HM13: variants seen among roughly 807,000 people sequenced by gnomAD.
HM13 encodes the protein signal peptide peptidase.
A neutral mutation model predicts 50.0 loss-of-function variants in HM13; 18 were observed. The observed-to-expected ratio is 0.36, with a 90% CI of 0.25 to 0.53. The LOEUF is 0.53. Among genes scored for constraint, HM13 ranks in the 20% least tolerant of loss-of-function variants. The pLI, the probability that HM13 is intolerant of heterozygous loss-of-function variation, is 0.90. For synonymous variants in HM13, 197 were observed against 232.6 expected, an observed-to-expected ratio of 0.85 and a Z score of 1.39; for missense variants, 393 against 552.4, an observed-to-expected ratio of 0.71 and a Z score of 2.89.
At chr20:31,519,458 A>T (rs1982014469) in intron 1 of HM13, among the ~76,000 whole-genome samples, 1 of 152,182 alleles carries the variant, frequency 6.6e-6, no homozygotes, top group Non-Finnish European at 1.5e-5. Flanking sequence ...AGATCCAATC[A>T]TGTCAGTACA....
chr20:31,564,256 C>T (rs1410802523), intron 10 of HM13, among the ~76,000 whole-genome samples: 1 of 152,014 alleles, frequency 6.6e-6, no homozygotes, highest in Non-Finnish European at 1.5e-5. Flanking sequence ...TCACTGAACT[C>T]ACCACCTATG....
rs1423696171 is a variant in HM13 at position 31,569,337 on chromosome 20, G to A, written c.*118G>A. The A allele has an allele frequency of 6.3e-6, 4 of 630,684 alleles. No homozygotes were observed. The highest frequency in any genetic ancestry group is 8.4e-6 in the Non-Finnish European group (3 of 358,390). 39.1% of individuals were successfully genotyped at this position (630,684 alleles called of 1,614,324 possible). The stretch of plus-strand genomic sequence containing the variant: ...GGGCAGCTCCAGGACAGGGCAGGGG[G>A]CAGCAGGATACCTCCAGCCAGGCCT... On this transcript the variant is annotated 3_prime_UTR_variant, in exon 13 of 13. Coordinates refer to ENST00000398174, the MANE Select transcript of HM13 (RefSeq NM_178581.3).
intron 10 of HM13, chr20:31,565,917 A>C: frequency 3.5e-6 from 1 of 284,330 alleles, no homozygotes; most frequent in Non-Finnish European, 6.6e-6. Flanking sequence ...CAAACCAGGA[A>C]GTTGCTTTTT....
In HM13 at chr20:31,568,107, A is replaced by T; in HGVS notation, c.1064A>T (p.His355Leu). The stretch of plus-strand genomic sequence containing the variant: ...GAGTCCTCGGCGGAAATCCTGCCTC[A>T]TACCCCGAGGCTCACCCACTTCCCC... ...SYESSAEILP[H>L]TPRLTHFPTV... Residue 355 changes from histidine (H) to leucine (L), a missense_variant, in exon 12 of 13, where the codon CAT becomes CTT. This residue lies in a region of HM13 where 105 missense variants were observed against 115.9 expected (regional missense o/e 0.91). Coordinates refer to ENST00000398174, the MANE Select transcript of HM13 (RefSeq NM_178581.3). 6.2e-7 allele frequency: 1 copy of T among 1,612,390 alleles called. No individual in the cohort carries two copies. Among genetic ancestry groups the T allele is most frequent in the Non-Finnish European group, 8.5e-7 (1 of 1,179,458 alleles).
chr20:31,562,946 T>C (rs1984698943), intron 10 of HM13, among the ~76,000 whole-genome samples: 1 of 152,176 alleles, frequency 6.6e-6, no homozygotes, highest in African/African-American at 2.4e-5. Flanking sequence ...TGGAGGTCTC[T>C]GCAGCTCCCG....
At chr20:31,528,679 G>A (rs1000433079) in intron 2 of HM13, among the ~76,000 whole-genome samples, 1 of 152,174 alleles carries the variant, frequency 6.6e-6, no homozygotes, top group African/African-American at 2.4e-5. Context: ...GGGTTTCACT[G>A]TGTTGGTCAG....
In HM13 at chr20:31,514,694, T is replaced by C. The variant is rs1241087615; in HGVS notation, c.143T>C (p.Phe48Ser). 1 of 1,551,926 alleles carries C rather than the reference T, an allele frequency of 6.4e-7. No homozygotes were observed. The highest frequency in any genetic ancestry group is 1.2e-5 in the South Asian group (1 of 84,296). ...CTGCTCATGGCGCTGCTGCCCATCT[T>C]CTTCGGCGCCCTGCGCTCCGTACGC... ...SLLLMALLPI[F>S]FGALRSVRCA... Residue 48 changes from phenylalanine to serine, a missense_variant, in exon 1 of 13, where the codon TTC becomes TCC. By Grantham distance (155) the Phe-to-Ser change is radical (BLOSUM62 -2). This residue lies in a region of HM13 where 214 missense variants were observed against 276.1 expected (regional missense o/e 0.77). Transcript: ENST00000398174. The surrounding 1 kb of genome is among the most constrained non-coding windows in gnomAD (Gnocchi z 4.3).
At chr20:31,531,051 T>G (rs187662564) in intron 2 of HM13, among the ~76,000 whole-genome samples, 85 of 152,296 alleles carry the variant, frequency 5.6e-4, no homozygotes, top group Admixed American at 5.1e-3. Flanking sequence ...AAAAAGATTT[T>G]TTTTCTTTTT....
intron 3 of HM13, chr20:31,540,548 C>T (rs1333956254): frequency 6.6e-6 from 1 of 152,204 alleles, no homozygotes; most frequent in Non-Finnish European, 1.5e-5. Context: ...ATAGCAACAA[C>T]CCTACAATGA....
intron 2 of HM13, among the ~76,000 whole-genome samples, chr20:31,533,262 G>A (rs777990773): frequency 2.0e-5 from 3 of 152,214 alleles, no homozygotes; most frequent in Non-Finnish European, 2.9e-5. Flanking sequence ...CAACGCTTTG[G>A]GAGGCCGAGG....
intron 2 of HM13, among the ~76,000 whole-genome samples, chr20:31,531,978 C>G (rs551556537): frequency 1.3e-5 from 2 of 152,138 alleles, no homozygotes; most frequent in South Asian, 4.1e-4. Flanking sequence ...AAAAACATCC[C>G]TATAAGCAGA....
chr20:31,568,333 T>C (rs749805073), intron 12 of HM13, 109 bp downstream of exon 12: 110 of 1,412,612 alleles, frequency 7.8e-5, no homozygotes, highest in Non-Finnish European at 9.8e-5. Context: ...TTGCCAGGAG[T>C]AGGCCGCAAG....
At chr20:31,543,445 C>T (rs879345120) in intron 3 of HM13, among the ~76,000 whole-genome samples, 7 of 152,016 alleles carry the variant, frequency 4.6e-5, no homozygotes, top group East Asian at 2.0e-4. Context: ...GCCACCACGC[C>T]GGGCTAATTT....
In HM13 at chr20:31,561,672, T is replaced by C; in HGVS notation, c.884T>C (p.Phe295Ser). The C allele has an allele frequency of 6.2e-7, 1 of 1,614,044 alleles. No individual in the cohort carries two copies. Among genetic ancestry groups the C allele is most frequent in the Non-Finnish European group, 8.5e-7 (1 of 1,179,868 alleles). Residue 295 changes from phenylalanine (F) to serine (S), a missense_variant, in exon 10 of 13, where the codon TTT (phenylalanine) becomes TCT (serine). Around this residue, in one of 3 missense-constraint regions of HM13, gnomAD observed 74 missense variants for 160.4 expected, o/e 0.46. Coordinates refer to ENST00000398174, the MANE Select transcript of HM13 (RefSeq NM_178581.3). ...KNTHTYFYTS[F>S]AAYIFGLGLT... ...ACCCACACCTACTTCTACACCAGCTTTGCAGCCTACATCTTCGGCCTGGGC... is the reference window on the plus strand; with the variant it reads ...ACCCACACCTACTTCTACACCAGCTCTGCAGCCTACATCTTCGGCCTGGGC...
intron 12 of HM13, 73 bp from the exon 13 acceptor site, chr20:31,569,047 A>AG: frequency 9.5e-7 from 1 of 1,047,740 alleles, no homozygotes; most frequent in Non-Finnish European, 1.4e-6. Context: ...GGGTGGGGGA[A>AG]GGGGACAACC....
chr20:31,545,897 A>T (rs1461153078), intron 4 of HM13, among the ~76,000 whole-genome samples: 1 of 152,028 alleles, frequency 6.6e-6, no homozygotes, highest in Non-Finnish European at 1.5e-5. Context: ...GAGTTTTGCC[A>T]TGCTAGCCAG....
chr20:31,542,040 T>A (rs1983476684), intron 3 of HM13, among the ~76,000 whole-genome samples: 2 of 152,198 alleles, frequency 1.3e-5, no homozygotes, highest in Non-Finnish European at 2.9e-5. Flanking sequence ...GAGCCTGTGG[T>A]CTCCCAAGGA....
chr20:31,550,842 AAC>A (rs1393715051), intron 7 of HM13, among the ~76,000 whole-genome samples: 5 of 152,166 alleles, frequency 3.3e-5, no homozygotes. Context: ...TAGGAGTGGT[AAC>A]ACACATCTGT....
rs116321545 is a variant in HM13 at position 31,567,473 on chromosome 20, C to G, written c.1035-605C>G. 4.8e-3 allele frequency among the ~76,000 whole-genome samples: 737 copies of G among 152,268 alleles called. 7 individuals are homozygous for G. The highest frequency in any genetic ancestry group is 0.017 in the African/African-American group (699 of 41,566). Reference sequence around the variant, plus strand: ...CCACTGTTTGCCCTCCACTCCCACCCTGGACATTCTTAGATTGGGGTAAAA... The same window carrying G: ...CCACTGTTTGCCCTCCACTCCCACCGTGGACATTCTTAGATTGGGGTAAAA... On this transcript the variant is annotated intron_variant, in intron 11 of 12. Coordinates refer to ENST00000398174, the MANE Select transcript of HM13 (RefSeq NM_178581.3).
Sources: gnomAD v4.1 joint callset for allele counts (sites outside exome capture counted in the v4.1 genomes callset) on GRCh38, gnomAD v4.1.1 for gene constraint, gnomAD v4.1.1 regional missense constraint, Gnocchi (gnomAD v3.1) non-coding constraint, MANE v1.5 for transcripts, NCBI Gene and HGNC (gene_info 2026-07-23, HGNC 2026-07-21) for gene names.